Variants in C1orf87 observed in about 807,000 individuals in gnomAD.
The protein encoded by C1orf87 is chromosome 1 open reading frame 87, also known as uncharacterized protein C1orf87.
C1orf87 carries 58 observed loss-of-function variants against 60.5 expected under a neutral mutation model. That is an observed-to-expected ratio of 0.96 (90% CI 0.78 to 1.19). The LOEUF (loss-of-function observed/expected upper bound fraction) is 1.19. Among genes scored for constraint, C1orf87 ranks in the 50% most tolerant of loss-of-function variants. The pLI, the probability that C1orf87 is intolerant of heterozygous loss-of-function variation, is 0.00. For missense variants in C1orf87, 673 were observed against 638.6 expected, an observed-to-expected ratio of 1.05 and a Z score of -0.58; for synonymous variants, 236 against 227.4, an observed-to-expected ratio of 1.04 and a Z score of -0.34.
chr1:60,064,633 T>TAC (rs1288256141), intron 2 of C1orf87, among the ~76,000 whole-genome samples: 2 of 111,480 alleles, frequency 1.8e-5, no homozygotes, highest in East Asian at 2.3e-4. Flanking sequence ...TATATATAAA[T>TAC]ATATATGATA....
intron 4 of C1orf87, among the ~76,000 whole-genome samples, chr1:60,040,750 CTTTAA>C (rs1484408200): frequency 1.5e-5 from 2 of 136,248 alleles, no homozygotes; most frequent in African/African-American, 5.6e-5. Context: ...CTCAGACTGT[CTTTAA>C]TTTTTTTTTT....
rs1644914150 is a variant in C1orf87, at chr1:59,990,639, G to A, written c.*34C>T. 1.2e-6 allele frequency: 2 copies of A among 1,605,458 alleles called. No homozygotes were observed. Among genetic ancestry groups the A allele is most frequent in the East Asian group, 4.5e-5 (2 of 44,704 alleles). ...TGTGTCTGGGTAAAAAGGGAGATAA[G>A]GGAAACATCTGTTCTCACAATATGG... On this transcript the variant is annotated 3_prime_UTR_variant, in exon 12 of 12. Transcript: ENST00000371201.
chr1:59,992,684 ATACT>A (rs1644932793), intron 11 of C1orf87, among the ~76,000 whole-genome samples: 2 of 152,170 alleles, frequency 1.3e-5, no homozygotes, highest in South Asian at 4.1e-4. Flanking sequence ...GCAATGGTAG[ATACT>A]TATCATCTCA....
intron 6 of C1orf87, among the ~76,000 whole-genome samples, chr1:60,034,988 A>G (rs567381511): frequency 6.6e-6 from 1 of 152,170 alleles, no homozygotes; most frequent in East Asian, 1.9e-4. Context: ...ACTATTCTGA[A>G]CTACTTAATA....
At chr1:60,027,884 T>C (rs1574308695) in intron 7 of C1orf87, among the ~76,000 whole-genome samples, 1 of 152,216 alleles carries the variant, frequency 6.6e-6, no homozygotes, top group African/African-American at 2.4e-5. Flanking sequence ...TCTGTTCTGC[T>C]ATCATACCCC....
At chr1:59,993,227 A>T (rs1184440592) in intron 11 of C1orf87, among the ~76,000 whole-genome samples, 1 of 150,282 alleles carries the variant, frequency 6.7e-6, no homozygotes, top group African/African-American at 2.5e-5. Flanking sequence ...GTCTTAAATA[A>T]ATAAATAAAT....
At chr1:60,018,334 G>A (rs1352910535) in intron 8 of C1orf87, among the ~76,000 whole-genome samples, 1 of 152,172 alleles carries the variant, frequency 6.6e-6, no homozygotes, top group African/African-American at 2.4e-5. Context: ...TTATGGTTGT[G>A]ATATCCTTGA....
At chr1:60,034,336 T>C (rs907840743) in intron 6 of C1orf87, among the ~76,000 whole-genome samples, 3 of 152,226 alleles carry the variant, frequency 2.0e-5, no homozygotes, top group African/African-American at 7.2e-5. Context: ...ACTGGTTTGA[T>C]ATGTTTACTT....
At chr1:60,062,932 T>C (rs1199467719) in intron 2 of C1orf87, among the ~76,000 whole-genome samples, 1 of 152,154 alleles carries the variant, frequency 6.6e-6, no homozygotes, top group Non-Finnish European at 1.5e-5. Context: ...TGCAGACTTA[T>C]GACCAGAACA....
chr1:60,010,554 G>T, intron 8 of C1orf87, 98 bp from the exon 9 acceptor site: 1 of 1,025,158 alleles, frequency 9.8e-7, no homozygotes, highest in Non-Finnish European at 1.5e-6. Context: ...TATTGAATAA[G>T]CTTTTTGATA....
intron 11 of C1orf87, among the ~76,000 whole-genome samples, chr1:59,995,115 C>T (rs12403852): frequency 0.042 from 6,368 of 152,332 alleles, 180 homozygotes; most frequent in Non-Finnish European, 0.058. Flanking sequence ...CAACAAACTC[C>T]GTTTCTCCTC....
At chr1:60,056,947 T>C (rs992190513) in intron 2 of C1orf87, among the ~76,000 whole-genome samples, 1 of 152,170 alleles carries the variant, frequency 6.6e-6, no homozygotes, top group Non-Finnish European at 1.5e-5. Context: ...TACTTGTTGA[T>C]TTGAATAAGA....
In C1orf87 at chr1:60,001,169, A is replaced by T. The variant is rs77733954; in HGVS notation, c.1193-13T>A. The T allele has an allele frequency of 2.0e-5, 4 of 200,142 alleles. No individual in the cohort carries two copies. The highest frequency in any genetic ancestry group is 3.8e-4 in the East Asian group (1 of 2,638). 12.4% of individuals were successfully genotyped at this position (200,142 alleles called of 1,614,324 possible). On this transcript the variant is annotated splice_polypyrimidine_tract_variant and intron_variant, in intron 9 of 11. Transcript: ENST00000371201. ...TTTTCATTCTTCCCTGAACAAGAAT[A>T]AAAAAAAAAAAAGGAAGGGTTTAGC...
chr1:60,023,597 T>A (rs867574270), intron 8 of C1orf87, among the ~76,000 whole-genome samples: 1 of 152,228 alleles, frequency 6.6e-6, no homozygotes, highest in Non-Finnish European at 1.5e-5. Context: ...TACTTCATAC[T>A]TGTTTTCCCT....
intron 11 of C1orf87, among the ~76,000 whole-genome samples, chr1:59,996,075 T>C (rs1644961708): frequency 6.6e-6 from 1 of 152,176 alleles, no homozygotes; most frequent in African/African-American, 2.4e-5. Context: ...TTTTTTTCTC[T>C]TTGGTATAAT....
chr1:60,024,773 G>A (rs1003119254), intron 8 of C1orf87, among the ~76,000 whole-genome samples: 1 of 152,068 alleles, frequency 6.6e-6, no homozygotes, highest in Non-Finnish European at 1.5e-5. Flanking sequence ...ATTGTTCTGT[G>A]CTGCTTGCCG....
chr1:60,057,503 T>C (rs1161602471), intron 2 of C1orf87, among the ~76,000 whole-genome samples: 1 of 152,116 alleles, frequency 6.6e-6, no homozygotes, highest in African/African-American at 2.4e-5. Context: ...GAAATGCCAA[T>C]GGTGAATAGC....
intron 8 of C1orf87, among the ~76,000 whole-genome samples, chr1:60,015,624 T>G (rs750858625): frequency 2.0e-5 from 3 of 152,198 alleles, no homozygotes; most frequent in Non-Finnish European, 2.9e-5. Context: ...CTGTGCATGG[T>G]CTTTCCTCTG....
chr1:60,053,772 A>G (rs1645432479), intron 3 of C1orf87, among the ~76,000 whole-genome samples: 1 of 152,102 alleles, frequency 6.6e-6, no homozygotes, highest in Non-Finnish European at 1.5e-5. Flanking sequence ...CTATTTTTAT[A>G]ATTAGAAAGC....
Sources: allele counts gnomAD v4.1 joint callset (sites outside exome capture counted in the v4.1 genomes callset), GRCh38; gene constraint gnomAD v4.1.1; transcripts MANE v1.5; gene names NCBI Gene and HGNC (gene_info 2026-07-23, HGNC 2026-07-21).